The following FGF10 variants were observed in gnomAD, a reference collection of about 807,000 sequenced individuals.
FGF10 encodes fibroblast growth factor 10.
In FGF10, 2 loss-of-function variants were observed where a neutral mutation model predicts 19.8. The observed-to-expected ratio is 0.10, with a 90% CI of 0.04 to 0.32. The LOEUF (loss-of-function observed/expected upper bound fraction) is 0.32, where lower values mean the gene tolerates loss of function less well. Ranked by LOEUF, FGF10 falls within the 10% of genes least tolerant of loss-of-function variation. FGF10 has a pLI of 1.00. For missense variants in FGF10, 191 were observed against 246.3 expected (o/e 0.78, Z 1.50); for synonymous variants, 112 against 94.0 (o/e 1.19, Z -1.10).
At chr5:44,335,068 C>G (rs895322030) in intron 1 of FGF10, among the ~76,000 whole-genome samples, 1 of 152,032 alleles carries the variant, frequency 6.6e-6, no homozygotes, top group African/African-American at 2.4e-5. Flanking sequence ...TTAACTTCAT[C>G]ATGAAAGAGT....
intron 1 of FGF10, among the ~76,000 whole-genome samples, chr5:44,361,970 C>A (rs780992602): frequency 1.3e-5 from 2 of 151,620 alleles, no homozygotes; most frequent in Non-Finnish European, 3.0e-5. Flanking sequence ...ATTTATTTTT[C>A]CCAAACAAAT....
At chr5:44,327,144 A>C (rs80245887) in intron 1 of FGF10, among the ~76,000 whole-genome samples, 2,084 of 152,250 alleles carry the variant, frequency 0.014, 86 homozygotes, top group East Asian at 0.12. Context: ...ATTATTTAAC[A>C]TATGCATATT....
intron 1 of FGF10, among the ~76,000 whole-genome samples, chr5:44,342,461 G>C (rs1740991643): frequency 6.6e-6 from 1 of 151,122 alleles, no homozygotes; most frequent in Admixed American, 6.6e-5. Context: ...ACTTCAATTG[G>C]AGTTCAAGGG....
chr5:44,302,106 G>A lies in FGF10; in HGVS notation c.*2889C>T, dbSNP rs1387093026. On this transcript the variant is annotated 3_prime_UTR_variant, in exon 3 of 3. Transcript: ENST00000264664. The stretch of plus-strand genomic sequence containing the variant: ...TTTTTTTTCAAATCTACAACATTCA[G>A]GGCTGAAACTGCTTTTTTTTTTCTT... Among the ~76,000 whole-genome samples, 4 of 151,014 alleles carry A rather than the reference G, an allele frequency of 2.6e-5. No homozygotes were observed. The highest frequency in any genetic ancestry group is 5.9e-5 in the Non-Finnish European group (4 of 67,830).
At chr5:44,373,542 C>T (rs1741789428) in intron 1 of FGF10, among the ~76,000 whole-genome samples, 1 of 152,144 alleles carries the variant, frequency 6.6e-6, no homozygotes, top group African/African-American at 2.4e-5. Context: ...TCATCACTTA[C>T]ACGTTCTGTT....
intron 1 of FGF10, among the ~76,000 whole-genome samples, chr5:44,334,709 C>T (rs1388690852): frequency 6.6e-6 from 1 of 152,226 alleles, no homozygotes; most frequent in South Asian, 2.1e-4. Flanking sequence ...CAGCCAAATG[C>T]TCTTTTCACT....
intron 1 of FGF10, among the ~76,000 whole-genome samples, chr5:44,321,187 A>G (rs1477242863): frequency 6.6e-6 from 1 of 152,146 alleles, no homozygotes; most frequent in Non-Finnish European, 1.5e-5. Flanking sequence ...GAACTTACAG[A>G]AGAGGCTGCA....
chr5:44,368,120 T>A (rs1225229334), intron 1 of FGF10, among the ~76,000 whole-genome samples: 4 of 152,070 alleles, frequency 2.6e-5, no homozygotes, highest in Non-Finnish European at 2.9e-5. Context: ...ATGTTACTAA[T>A]TTAAAATTTT....
At chr5:44,330,951 T>C (rs1740722761) in intron 1 of FGF10, among the ~76,000 whole-genome samples, 2 of 152,176 alleles carry the variant, frequency 1.3e-5, no homozygotes, top group Admixed American at 1.3e-4. Context: ...TCACAAACAG[T>C]AATTTGCATT....
At chr5:44,375,494 A>C (rs993180628) in intron 1 of FGF10, among the ~76,000 whole-genome samples, 1 of 152,210 alleles carries the variant, frequency 6.6e-6, no homozygotes, top group Non-Finnish European at 1.5e-5. Context: ...AAATCAACAT[A>C]AAATAGCTAT....
chr5:44,333,680 T>C (rs895470210), intron 1 of FGF10, among the ~76,000 whole-genome samples: 1 of 152,130 alleles, frequency 6.6e-6, no homozygotes, highest in Non-Finnish European at 1.5e-5. Context: ...TTGCATTTCA[T>C]TGATTTTCAA....
intron 1 of FGF10, among the ~76,000 whole-genome samples, chr5:44,377,520 T>C (rs534551137): frequency 6.6e-6 from 1 of 152,404 alleles, no homozygotes; most frequent in African/African-American, 2.4e-5. Context: ...TTTTATTCTA[T>C]AGTCATCAAA....
chr5:44,303,778 C>T lies in FGF10; in HGVS notation c.*1217G>A, dbSNP rs1740013116. 6.6e-6 allele frequency: 1 copy of T among 152,096 alleles called. No individual in the cohort carries two copies. The highest frequency in any genetic ancestry group is 6.6e-5 in the Admixed American group (1 of 15,254). The allele number at this position is 152,096 out of a possible 1,614,324, so 9.4% of individuals were successfully genotyped here. On this transcript the variant is annotated 3_prime_UTR_variant, in exon 3 of 3. Coordinates refer to ENST00000264664, the MANE Select transcript of FGF10 (RefSeq NM_004465.2). ...CATATACCAGTATATATTTGATTTG[C>T]TCAGTTTAAGCCCCTGGGAGAGTTG...
chr5:44,359,130 A>G (rs911457116), intron 1 of FGF10, among the ~76,000 whole-genome samples: 1 of 151,442 alleles, frequency 6.6e-6, no homozygotes, highest in South Asian at 2.1e-4. Flanking sequence ...AAGTCAAATT[A>G]TCATCTTGTA....
In FGF10 at chr5:44,310,480, T is replaced by G; in HGVS notation, c.376A>C (p.Ile126Leu). Residue 126 changes from isoleucine (I) to leucine (L), a missense_variant, in exon 2 of 3, where the codon ATT becomes CTT. Transcript: ENST00000264664. ...VEIGVVAVKAINSNYYLAMNK... is the reference protein window; with the variant it reads ...VEIGVVAVKALNSNYYLAMNK... ...ATGGCTAAGTAATAGTTGCTGTTAA[T>G]GGCTTTGACGGCAACAACTCCGATT... 1.2e-6 allele frequency: 2 copies of G among 1,612,846 alleles called. No homozygotes were observed. The highest frequency in any genetic ancestry group is 1.7e-6 in the Non-Finnish European group (2 of 1,179,178).
At chr5:44,376,097 A>C (rs1741849812) in intron 1 of FGF10, among the ~76,000 whole-genome samples, 1 of 152,130 alleles carries the variant, frequency 6.6e-6, no homozygotes, top group African/African-American at 2.4e-5. Flanking sequence ...TAACATTGTC[A>C]AACTCTTACA....
At chr5:44,321,264 G>C (rs1052207918) in intron 1 of FGF10, among the ~76,000 whole-genome samples, 1 of 152,172 alleles carries the variant, frequency 6.6e-6, no homozygotes, top group African/African-American at 2.4e-5. Flanking sequence ...TGAAATAGCA[G>C]GGGATATCAG....
At chr5:44,330,910 A>T (rs531573449) in intron 1 of FGF10, among the ~76,000 whole-genome samples, 22 of 152,306 alleles carry the variant, frequency 1.4e-4, no homozygotes, top group Non-Finnish European at 2.4e-4. Context: ...GCTTAAAATT[A>T]AAAAAATGGA....
At chr5:44,313,720 A>G (rs1740267184) in intron 1 of FGF10, among the ~76,000 whole-genome samples, 2 of 151,964 alleles carry the variant, frequency 1.3e-5, no homozygotes, top group Non-Finnish European at 2.9e-5. Context: ...GTGAAATTCT[A>G]TTATTTATAT....
Sources: allele counts gnomAD v4.1 joint callset (sites outside exome capture counted in the v4.1 genomes callset), GRCh38; gene constraint gnomAD v4.1.1; transcripts MANE v1.5; gene names NCBI Gene and HGNC (gene_info 2026-07-23, HGNC 2026-07-21).